The following RNF150 variants were observed in gnomAD, a reference collection of about 807,000 sequenced individuals.
RNF150 encodes ring finger protein 150.
A neutral mutation model predicts 39.3 loss-of-function variants in RNF150; 24 were observed. That is an observed-to-expected ratio of 0.61 (90% CI 0.44 to 0.86). The LOEUF (loss-of-function observed/expected upper bound fraction) is 0.86, where lower values mean the gene tolerates loss of function less well. RNF150 is among the 40% of genes least tolerant of loss of function. The probability of loss-of-function intolerance (pLI) is 0.00; values close to 1 mark genes in which losing one functional copy is unlikely to be tolerated. For synonymous variants in RNF150, 255 were observed against 227.3 expected (o/e 1.12, Z -1.10); for missense variants, 502 against 587.8 (o/e 0.85, Z 1.51).
intron 1 of RNF150, among the ~76,000 whole-genome samples, chr4:141,164,318 C>T (rs1397058149): frequency 6.6e-6 from 1 of 151,836 alleles, no homozygotes; most frequent in East Asian, 1.9e-4. Context: ...AAAGACCAAA[C>T]CTACGTTTGA....
chr4:140,884,533 C>A (rs1190719443), intron 6 of RNF150, among the ~76,000 whole-genome samples: 1 of 152,136 alleles, frequency 6.6e-6, no homozygotes, highest in African/African-American at 2.4e-5. Context: ...TGTATGTAAT[C>A]TAATTGCAGA....
chr4:141,127,546 C>T (rs1228403819), intron 1 of RNF150, among the ~76,000 whole-genome samples: 10 of 152,204 alleles, frequency 6.6e-5, no homozygotes, highest in Admixed American at 6.5e-4. Flanking sequence ...TGAATCCATA[C>T]ATTGAACTCT....
intron 1 of RNF150, among the ~76,000 whole-genome samples, chr4:141,030,494 T>C (rs1031816806): frequency 6.6e-6 from 1 of 152,128 alleles, no homozygotes; most frequent in Non-Finnish European, 1.5e-5. Flanking sequence ...CTGGAAGAGA[T>C]ATTTGCAAAC....
chr4:141,107,307 C>T (rs1215621425), intron 1 of RNF150, among the ~76,000 whole-genome samples: 1 of 152,088 alleles, frequency 6.6e-6, no homozygotes, highest in African/African-American at 2.4e-5. Context: ...TGTGTAAATG[C>T]TTCATATACA....
At chr4:141,207,170 A>G (rs1006619815) in intron 1 of RNF150, among the ~76,000 whole-genome samples, 2 of 152,154 alleles carry the variant, frequency 1.3e-5, no homozygotes, top group Admixed American at 6.5e-5. Context: ...CCCAGAAACA[A>G]TACTTTACCA....
intron 6 of RNF150, among the ~76,000 whole-genome samples, chr4:140,887,567 C>T (rs73857108): frequency 1.2e-3 from 184 of 152,218 alleles, no homozygotes; most frequent in African/African-American, 4.2e-3. Context: ...GGATGTAGGT[C>T]GACGCATCAA....
At chr4:141,166,633 T>C (rs1159110551) in intron 1 of RNF150, among the ~76,000 whole-genome samples, 1 of 152,168 alleles carries the variant, frequency 6.6e-6, no homozygotes, top group Non-Finnish European at 1.5e-5. Context: ...GCAAGACTGG[T>C]TCAACATATG....
At chr4:140,975,708 G>A (rs559958392) in intron 1 of RNF150, among the ~76,000 whole-genome samples, 2 of 152,232 alleles carry the variant, frequency 1.3e-5, no homozygotes, top group South Asian at 2.1e-4. Context: ...CAAGGTGGAG[G>A]TCTTAGTCTT....
chr4:141,063,991 C>CA (rs35348369), intron 1 of RNF150, among the ~76,000 whole-genome samples: 26,128 of 116,536 alleles, frequency 0.22, 2,684 homozygotes, highest in Middle Eastern at 0.31. Context: ...AAAAGTTCTA[C>CA]AAAAAAAAAA....
intron 1 of RNF150, among the ~76,000 whole-genome samples, chr4:140,992,835 C>T (rs4351091): frequency 0.97 from 146,916 of 152,156 alleles, 71,127 homozygotes; most frequent in East Asian, 1. Flanking sequence ...TGGGATTTGG[C>T]GGCATGTCAA....
intron 1 of RNF150, among the ~76,000 whole-genome samples, chr4:141,157,060 A>G (rs776531819): frequency 1.7e-4 from 26 of 152,212 alleles, no homozygotes; most frequent in Non-Finnish European, 3.4e-4. Flanking sequence ...TCCACTAAGT[A>G]GACATTTCTG....
chr4:141,144,607 C>T (rs1380897520), intron 1 of RNF150, among the ~76,000 whole-genome samples: 1 of 147,494 alleles, frequency 6.8e-6, no homozygotes, highest in Non-Finnish European at 1.5e-5. Flanking sequence ...TGCTCTTAGA[C>T]TTCAGAAACT....
At chr4:140,949,395 TTAA>T (rs1732454499) in intron 2 of RNF150, 23 bp from the exon 3 acceptor site, 2 of 1,605,442 alleles carry the variant, frequency 1.2e-6, no homozygotes, top group African/African-American at 2.7e-5. Flanking sequence ...AACGTGCTTG[TTAA>T]TAATAAAGAT....
rs143826106 is a variant in RNF150 at position 141,010,633 on chromosome 4, C to T, written c.485-42760G>A. ...CAGCTTGTAATGGCATGGGGCTTCT[C>T]TTCTCTTTCCAACCCTGATCGTGAG... is the stretch of plus-strand genomic sequence containing the variant. On this transcript the variant is annotated intron_variant, in intron 1 of 6. Transcript: ENST00000515673. Among the ~76,000 whole-genome samples, 7 of 152,288 alleles carry T rather than the reference C, an allele frequency of 4.6e-5. No individual in the cohort carries two copies. The East Asian group carries it at 1.4e-3, about 29-fold the overall frequency.
chr4:141,009,979 T>C (rs952062802), intron 1 of RNF150, among the ~76,000 whole-genome samples: 2 of 152,226 alleles, frequency 1.3e-5, no homozygotes, highest in Admixed American at 6.5e-5. Flanking sequence ...GGGAGACTGC[T>C]GGATGCCTGT....
In RNF150 at chr4:141,132,888, G is replaced by A; in HGVS notation, c.-80C>T. On this transcript the variant is annotated 5_prime_UTR_variant, in exon 1 of 7. Coordinates refer to ENST00000515673, the MANE Select transcript of RNF150 (RefSeq NM_020724.2). This position sits in a 1 kb window ranked among gnomAD's most constrained non-coding sequence, Gnocchi z 4.9. ...TCCTCCCCAGCCCCGGCCAACCCCG[G>A]GCCGCTGCCTCTCCTCCTGCTGCTG... 8.2e-6 allele frequency: 10 copies of A among 1,218,616 alleles called. No homozygotes were observed. In the South Asian group the frequency reaches 1.0e-4, roughly 13 times the overall value. 75.5% of individuals were successfully genotyped at this position (1,218,616 alleles called of 1,614,324 possible).
intron 1 of RNF150, among the ~76,000 whole-genome samples, chr4:141,114,924 T>C (rs4386678): frequency 0.77 from 117,649 of 152,152 alleles, 46,428 homozygotes; most frequent in East Asian, 0.88. Context: ...CACAAAAGGC[T>C]TTCGATACAA....
intron 1 of RNF150, among the ~76,000 whole-genome samples, chr4:141,152,789 A>G (rs1727323022): frequency 6.6e-6 from 1 of 152,212 alleles, no homozygotes; most frequent in Non-Finnish European, 1.5e-5. Context: ...AACATCATAT[A>G]ATGGGAAGAA....
At chr4:141,018,512 C>T (rs960525408) in intron 1 of RNF150, among the ~76,000 whole-genome samples, 1 of 152,118 alleles carries the variant, frequency 6.6e-6, no homozygotes. Context: ...GTTATAACTC[C>T]CTCTAGTCCC....
Sources: allele counts gnomAD v4.1 joint callset (sites outside exome capture counted in the v4.1 genomes callset), GRCh38; gene constraint gnomAD v4.1.1; non-coding constraint Gnocchi (gnomAD v3.1); transcripts MANE v1.5; gene names NCBI Gene and HGNC (gene_info 2026-07-23, HGNC 2026-07-21).